STAG2: variants seen among roughly 807,000 people sequenced by gnomAD.
STAG2 encodes STAG2 cohesin complex component.
A neutral mutation model predicts 108.1 loss-of-function variants in STAG2; 14 were observed. That is an observed-to-expected ratio of 0.13 (90% CI 0.09 to 0.20). STAG2 has a LOEUF of 0.20. Among genes scored for constraint, STAG2 ranks in the 10% least tolerant of loss-of-function variants. STAG2 has a pLI of 1.00. For missense variants in STAG2, 440 were observed against 940.9 expected, an observed-to-expected ratio of 0.47 and a Z score of 6.96; for synonymous variants, 307 against 302.7, an observed-to-expected ratio of 1.01 and a Z score of -0.15.
rs745797709 is a variant in STAG2 at position 124,061,219 on chromosome X, T to G, written c.1417-5T>G. The G allele has an allele frequency of 1.7e-6, 2 of 1,178,913 alleles. No homozygotes were observed. Among genetic ancestry groups the G allele is most frequent in the Non-Finnish European group, 2.3e-6 (2 of 875,479 alleles). ...TAAGACCACATTGCTCTTTTTAAAT[T>G]TTAGTTACATGAGCATGCAGCATAC... On this transcript the variant is annotated splice_region_variant and splice_polypyrimidine_tract_variant and intron_variant, in intron 15 of 34. Transcript: ENST00000371145.
rs112686306 is a variant in STAG2 at position 124,037,061 on chromosome X, T to C, written c.289-466T>C. 5.1e-3 allele frequency among the ~76,000 whole-genome samples: 565 copies of C among 110,023 alleles called. 3 individuals are homozygous for C. The highest frequency in any genetic ancestry group is 0.017 in the African/African-American group (527 of 30,235). ...CCACCACGCCTGGCTAATTTTTGTA[T>C]TGGTAGTAGAGACAAGGTTTTACCA... is the stretch of plus-strand genomic sequence containing the variant. On this transcript the variant is annotated intron_variant, in intron 5 of 34. Transcript: ENST00000371145.
chrX:124,032,731 C>G (rs1337386009), intron 5 of STAG2, among the ~76,000 whole-genome samples: 1 of 111,879 alleles, frequency 8.9e-6, no homozygotes, highest in Non-Finnish European at 1.9e-5. Context: ...ATTATTGCCT[C>G]CAACTCTACC....
chrX:124,090,037 T>G (rs1488822098), intron 30 of STAG2, among the ~76,000 whole-genome samples: 4 of 107,703 alleles, frequency 3.7e-5, no homozygotes, highest in African/African-American at 1.4e-4. Context: ...AATGCATTCC[T>G]GTAATCTAAG....
At chrX:124,099,056 CTCAT>C (rs1196942495) in intron 34 of STAG2, among the ~76,000 whole-genome samples, 6 of 111,942 alleles carry the variant, frequency 5.4e-5, no homozygotes, top group African/African-American at 1.6e-4. Context: ...TGTCACTACT[CTCAT>C]TCTCTTGTGT....
In STAG2 at chrX:124,100,797, GA is replaced by G. The variant is rs2059494070; in HGVS notation, c.*201del. Reference sequence around the variant, plus strand: ...GTAAAGGACAAGTAAACAATTTGATGATAAGCTACAGTTTTTCTTAGAAAGT... The same window carrying G: ...GTAAAGGACAAGTAAACAATTTGATGTAAGCTACAGTTTTTCTTAGAAAGT... On this transcript the variant is annotated 3_prime_UTR_variant, in exon 35 of 35. Coordinates refer to ENST00000371145, the MANE Select transcript of STAG2 (RefSeq NM_001042750.2). 1.4e-5 allele frequency: 4 copies of G among 294,661 alleles called. No individual in the cohort carries two copies. The South Asian group carries it at 7.6e-4, about 56-fold the overall frequency. 24.3% of individuals were successfully genotyped at this position (294,661 alleles called of 1,213,427 possible). A position where few individuals can be genotyped will look rare whatever the true frequency, so the allele number is the denominator to read the frequency against.
chrX:124,051,684 A>G (rs1047309134), intron 13 of STAG2, among the ~76,000 whole-genome samples: 4 of 108,290 alleles, frequency 3.7e-5, no homozygotes, highest in South Asian at 4.1e-4. Context: ...TCCACCTCCC[A>G]GGTTCACGCC....
intron 1 of STAG2, among the ~76,000 whole-genome samples, chrX:123,997,075 C>G (rs1018693255): frequency 8.9e-6 from 1 of 112,033 alleles, no homozygotes; most frequent in Non-Finnish European, 1.9e-5. Flanking sequence ...CATTTCAGGA[C>G]TTTCTATTCT....
intron 1 of STAG2, among the ~76,000 whole-genome samples, chrX:124,001,327 T>C (rs1298319593): frequency 9.0e-6 from 1 of 111,658 alleles, no homozygotes; most frequent in East Asian, 2.8e-4. Flanking sequence ...CCTGACCTCT[T>C]GATCCATCCG....
chrX:123,961,663 T>G (rs1184279315), upstream of STAG2: 5 of 71,831 alleles, frequency 7.0e-5, no homozygotes, highest in African/African-American at 2.7e-4. Context: ...GCCCCCTCCC[T>G]TCTCCCTTCC....
In STAG2 at chrX:124,086,529, T is replaced by C; in HGVS notation, c.3054-18T>C. 2 of 1,160,925 alleles carry C rather than the reference T, an allele frequency of 1.7e-6. No individual in the cohort carries two copies. The highest frequency in any genetic ancestry group is 2.3e-6 in the Non-Finnish European group (2 of 851,459). On this transcript the variant is annotated intron_variant, in intron 29 of 34. Transcript: ENST00000371145. ...CAGATTTCTGTATCAAAGCTAACAGTTTCGATTTCTTTTCAAGGTATGTTT... is the reference window on the plus strand; with the variant it reads ...CAGATTTCTGTATCAAAGCTAACAGCTTCGATTTCTTTTCAAGGTATGTTT...
intron 30 of STAG2, among the ~76,000 whole-genome samples, chrX:124,087,910 A>G (rs767562457): frequency 1.0e-3 from 113 of 112,416 alleles, no homozygotes; most frequent in Admixed American, 2.8e-3. Context: ...GCATAACCTT[A>G]TATTTCTAAC....
In STAG2 at chrX:124,085,183, A is replaced by G. The variant is rs139298206; in HGVS notation, c.3054-1364A>G. ...TACAAACAGCAAAGTACAAAACTGTACTATGATGTTTACAGACAACTATGT... is the reference window on the plus strand; with the variant it reads ...TACAAACAGCAAAGTACAAAACTGTGCTATGATGTTTACAGACAACTATGT... On this transcript the variant is annotated intron_variant, in intron 29 of 34. Coordinates refer to ENST00000371145, the MANE Select transcript of STAG2 (RefSeq NM_001042750.2). 3.8e-3 allele frequency among the ~76,000 whole-genome samples: 429 copies of G among 112,281 alleles called. 1 individual carries two copies. Among genetic ancestry groups the G allele is most frequent in the African/African-American group, 0.013 (400 of 30,897 alleles).
intron 34 of STAG2, among the ~76,000 whole-genome samples, chrX:124,098,254 A>G (rs937118281): frequency 9.0e-6 from 1 of 111,372 alleles, no homozygotes; most frequent in Non-Finnish European, 1.9e-5. Context: ...AAATTAGCAC[A>G]TGTACTTATA....
intron 25 of STAG2, 30 bp downstream of exon 25, chrX:124,071,353 CTG>C: frequency 1.9e-6 from 2 of 1,072,585 alleles, no homozygotes; most frequent in Non-Finnish European, 2.5e-6. Flanking sequence ...TTTATTAAAT[CTG>C]TGTCCACCAT....
intron 1 of STAG2, among the ~76,000 whole-genome samples, chrX:123,991,811 C>T (rs1002038963): frequency 3.6e-5 from 4 of 111,065 alleles, no homozygotes; most frequent in Non-Finnish European, 5.7e-5. Context: ...ATTACAGGTG[C>T]ACGCCACCAC....
intron 29 of STAG2, among the ~76,000 whole-genome samples, chrX:124,085,743 C>T (rs1396889918): frequency 1.2e-5 from 1 of 84,105 alleles, no homozygotes; most frequent in African/African-American, 4.8e-5. Flanking sequence ...CACTGCACTA[C>T]AGCCTCGATG....
chrX:123,986,158 TATG>T (rs1281965504), intron 1 of STAG2, among the ~76,000 whole-genome samples: 2 of 107,089 alleles, frequency 1.9e-5, no homozygotes, highest in East Asian at 5.7e-4. Flanking sequence ...ATATGATATA[TATG>T]ATACATATGT....
chrX:123,984,419 C>T (rs901368034), intron 1 of STAG2, among the ~76,000 whole-genome samples: 1 of 111,192 alleles, frequency 9.0e-6, no homozygotes, highest in African/African-American at 3.3e-5. Context: ...CCCCTTTCAG[C>T]GTAATCATCT....
At chrX:123,972,639 G>A (rs918673727) in intron 1 of STAG2, among the ~76,000 whole-genome samples, 4 of 109,786 alleles carry the variant, frequency 3.6e-5, no homozygotes, top group African/African-American at 9.9e-5. Flanking sequence ...AAGGGGGACT[G>A]CATTTCTCAC....
Sources: allele counts gnomAD v4.1 joint callset (sites outside exome capture counted in the v4.1 genomes callset), GRCh38; gene constraint gnomAD v4.1.1; transcripts MANE v1.5; gene names NCBI Gene and HGNC (gene_info 2026-07-23, HGNC 2026-07-21).